Variants in ARPC4 observed in about 807,000 individuals in gnomAD.
ARPC4 encodes the protein actin related protein 2/3 complex subunit 4.
ARPC4 carries 3 observed loss-of-function variants against 22.8 expected under a neutral mutation model. The ratio of observed to expected loss-of-function variants is 0.13; its 90% CI spans 0.06 to 0.34. ARPC4 has a LOEUF of 0.34. Among genes scored for constraint, ARPC4 ranks in the 10% least tolerant of loss-of-function variants. The probability of loss-of-function intolerance (pLI) is 1.00; values close to 1 mark genes in which losing one functional copy is unlikely to be tolerated. For missense variants in ARPC4, 98 were observed against 211.0 expected (o/e 0.46, Z 3.32); for synonymous variants, 80 against 72.5 (o/e 1.10, Z -0.52).
In ARPC4 at chr3:9,806,291, C is replaced by T. The variant is rs755682289; in HGVS notation, c.*76C>T. ...ACGAAGGCGTCCTGGAGTCACTCCC[C>T]GAGCAGCGCGGCGGCGGCAGGGAGT... On this transcript the variant is annotated 3_prime_UTR_variant, in exon 6 of 6. Transcript: ENST00000397261. The T allele has an allele frequency of 1.1e-4, 169 of 1,537,380 alleles. 1 individual carries two copies. The highest frequency in any genetic ancestry group is 8.4e-4 in the Middle Eastern group (5 of 5,924).
At chr3:9,802,662 A>G (rs969755320) in intron 4 of ARPC4, among the ~76,000 whole-genome samples, 1 of 130,348 alleles carries the variant, frequency 7.7e-6, no homozygotes, top group African/African-American at 3.0e-5. Flanking sequence ...GGCTTGAGCC[A>G]CCGCGCCTGG....
chr3:9,806,514 GTCT>G lies in ARPC4; in HGVS notation c.*301_*303del. On this transcript the variant is annotated 3_prime_UTR_variant, in exon 6 of 6. Transcript: ENST00000397261. ...GCTTGTAGGATACTGTAACCTTTTT[GTCT>G]TTTTTTTTTTTTTTTTTTTTAAACC... is the stretch of plus-strand genomic sequence containing the variant. The G allele has an allele frequency of 1.9e-5, 6 of 309,680 alleles. No individual in the cohort carries two copies. The highest frequency in any genetic ancestry group is 4.6e-5 in the South Asian group (1 of 21,758). 19.2% of individuals were successfully genotyped at this position (309,680 alleles called of 1,614,324 possible).
intron 4 of ARPC4, chr3:9,803,446 C>T: frequency 2.2e-6 from 1 of 457,092 alleles, no homozygotes; most frequent in Non-Finnish European, 4.4e-6. Context: ...ATCTTCCTCC[C>T]ACAGCCCTCC....
intron 2 of ARPC4, among the ~76,000 whole-genome samples, chr3:9,799,301 T>C (rs1005507363): frequency 6.6e-6 from 1 of 152,246 alleles, no homozygotes; most frequent in Non-Finnish European, 1.5e-5. Flanking sequence ...GAGTATCTCT[T>C]ATCCAAAATG....
intron 3 of ARPC4, 73 bp downstream of exon 3, chr3:9,800,369 C>G: frequency 6.9e-7 from 1 of 1,447,240 alleles, no homozygotes; most frequent in African/African-American, 1.4e-5. Context: ...TCCGGGGTCC[C>G]CATCTGAGAG....
intron 4 of ARPC4, among the ~76,000 whole-genome samples, chr3:9,803,325 C>A (rs893364971): frequency 6.6e-6 from 1 of 152,216 alleles, no homozygotes; most frequent in African/African-American, 2.4e-5. Flanking sequence ...GCAGCATGTG[C>A]CATCATCAGA....
At chr3:9,804,830 G>A (rs1241364371) in intron 5 of ARPC4, among the ~76,000 whole-genome samples, 1 of 152,250 alleles carries the variant, frequency 6.6e-6, no homozygotes, top group African/African-American at 2.4e-5. Flanking sequence ...CAGAGTAGCT[G>A]TGGTGGGTGC....
chr3:9,794,513 T>C (rs2078837684), intron 1 of ARPC4, among the ~76,000 whole-genome samples: 1 of 151,798 alleles, frequency 6.6e-6, no homozygotes. Flanking sequence ...AAAAAAGCGT[T>C]GCAAAAACTT....
chr3:9,800,044 C>T (rs765105476), intron 2 of ARPC4, 141 bp from the exon 3 acceptor site: 13 of 793,914 alleles, frequency 1.6e-5, no homozygotes, highest in African/African-American at 6.9e-5. Context: ...ACTCACTGGC[C>T]CCCATCTTGG....
chr3:9,802,162 T>G (rs1270608201), intron 4 of ARPC4, among the ~76,000 whole-genome samples: 1 of 127,510 alleles, frequency 7.8e-6, no homozygotes, highest in African/African-American at 3.0e-5. Flanking sequence ...TGGTTGAACC[T>G]GGGAGGCGGA....
intron 4 of ARPC4, among the ~76,000 whole-genome samples, chr3:9,802,375 TCTC>T (rs200023464): frequency 2.6e-3 from 231 of 89,810 alleles, no homozygotes; most frequent in African/African-American, 6.9e-3. Context: ...ATAGTCTCTC[TCTC>T]TTTTTTTTTT....
At chr3:9,796,535 G>A (rs781218870) in intron 1 of ARPC4, among the ~76,000 whole-genome samples, 5 of 152,192 alleles carry the variant, frequency 3.3e-5, no homozygotes, top group Non-Finnish European at 7.3e-5. Context: ...AAAGAAAGAG[G>A]AGAAAAGCCT....
intron 5 of ARPC4, chr3:9,804,252 G>A (rs1309641780): frequency 1.7e-5 from 7 of 422,946 alleles, no homozygotes; most frequent in East Asian, 7.5e-5. Context: ...TTAGTCTCTC[G>A]TAGGAACTTG....
At chr3:9,801,468 A>G (rs536337228) in intron 3 of ARPC4, among the ~76,000 whole-genome samples, 193 bp from the exon 4 acceptor site, 27 of 152,284 alleles carry the variant, frequency 1.8e-4, no homozygotes, top group African/African-American at 6.0e-4. Context: ...ATGGGTCGTC[A>G]TTAAGAGATG....
At chr3:9,792,939 G>A (rs1424192508), upstream of ARPC4, 18 of 1,413,632 alleles carry the variant, frequency 1.3e-5, no homozygotes, top group Non-Finnish European at 1.7e-5. Context: ...TACCGAGACA[G>A]CCCTAGGTGG....
Position 9,800,187 on chromosome 3 carries a change from G to C in ARPC4, c.125G>C (p.Ser42Thr). 1 of 1,613,996 alleles carries C rather than the reference G, an allele frequency of 6.2e-7. No homozygotes were observed. The highest frequency in any genetic ancestry group is 8.5e-7 in the Non-Finnish European group (1 of 1,180,002). The change falls in exon 3 of 6, where the codon AGT becomes ACT. Residue 42 changes from serine (S) to threonine (T), a missense_variant and splice_region_variant. Coordinates refer to ENST00000397261, the MANE Select transcript of ARPC4 (RefSeq NM_005718.5). ...RHNKPEVEVRSSKELLLQPVT... is the reference protein window; with the variant it reads ...RHNKPEVEVRTSKELLLQPVT... ...ACTCTGTCACATTATGTTTTCAGGA[G>C]TAGCAAAGAGCTCCTGTTACAACCT... is the stretch of plus-strand genomic sequence containing the variant.
chr3:9,806,467 C>A lies in ARPC4; in HGVS notation c.*252C>A. ...CTGGGCCGGGACAGATTTTTTTTAA[C>A]GTCTTGAAACTTAAACTCTGTGCTT... On this transcript the variant is annotated 3_prime_UTR_variant, in exon 6 of 6. Coordinates refer to ENST00000397261, the MANE Select transcript of ARPC4 (RefSeq NM_005718.5). 2 of 549,520 alleles carry A rather than the reference C, an allele frequency of 3.6e-6. No individual in the cohort carries two copies. Among genetic ancestry groups the A allele is most frequent in the Non-Finnish European group, 6.6e-6 (2 of 304,750 alleles). The allele number at this position is 549,520 out of a possible 1,614,324, so 34.0% of individuals were successfully genotyped here. A position where few individuals can be genotyped will look rare whatever the true frequency, so the allele number is the denominator to read the frequency against.
At chr3:9,794,699 G>C (rs1265036339) in intron 1 of ARPC4, among the ~76,000 whole-genome samples, 1 of 151,838 alleles carries the variant, frequency 6.6e-6, no homozygotes, top group Non-Finnish European at 1.5e-5. Context: ...AAAAAGTCAA[G>C]TTGTGTAACC....
chr3:9,801,635 A>G (rs2079012602), intron 3 of ARPC4, 26 bp from the exon 4 acceptor site: 1 of 1,581,106 alleles, frequency 6.3e-7, no homozygotes, highest in Admixed American at 1.8e-5. Flanking sequence ...AGCTTTAGAG[A>G]AACATTTCTC....
Sources: gnomAD v4.1 joint callset for allele counts (sites outside exome capture counted in the v4.1 genomes callset) on GRCh38, gnomAD v4.1.1 for gene constraint, MANE v1.5 for transcripts, NCBI Gene and HGNC (gene_info 2026-07-23, HGNC 2026-07-21) for gene names.